STXBP5L: variants seen among roughly 807,000 people sequenced by gnomAD.
The protein encoded by STXBP5L is syntaxin-binding protein 5-like.
A neutral mutation model predicts 144.5 loss-of-function variants in STXBP5L; 65 were observed. That is an observed-to-expected ratio of 0.45 (90% CI 0.37 to 0.55). The LOEUF (loss-of-function observed/expected upper bound fraction) is 0.55. Ranked by LOEUF, STXBP5L falls within the 20% of genes least tolerant of loss-of-function variation. The pLI is 0.00. For missense variants in STXBP5L, 1,298 were observed against 1,405.5 expected, an observed-to-expected ratio of 0.92 and a Z score of 1.22; for synonymous variants, 505 against 469.6, an observed-to-expected ratio of 1.08 and a Z score of -0.97.
chr3:121,401,436 C>T (rs1271243023), intron 22 of STXBP5L, among the ~76,000 whole-genome samples: 1 of 148,850 alleles, frequency 6.7e-6, no homozygotes, highest in African/African-American at 2.5e-5. Context: ...TATAAAGACA[C>T]ATGCACACGT....
At chr3:121,239,165 G>T (rs1353783415) in intron 13 of STXBP5L, 47 bp downstream of exon 13, 15 of 1,125,446 alleles carry the variant, frequency 1.3e-5, no homozygotes, top group South Asian at 1.8e-5. Flanking sequence ...CATATCACAT[G>T]ATCATACTTT....
At chr3:120,929,057 A>G (rs760550554) in intron 2 of STXBP5L, among the ~76,000 whole-genome samples, 13 of 152,160 alleles carry the variant, frequency 8.5e-5, no homozygotes, top group Non-Finnish European at 1.6e-4. Context: ...TTGGCATGGG[A>G]AGCTGGAGGC....
intron 5 of STXBP5L, among the ~76,000 whole-genome samples, chr3:121,065,467 G>T (rs1427539895): frequency 6.6e-6 from 1 of 151,864 alleles, no homozygotes; most frequent in Non-Finnish European, 1.5e-5. Context: ...ACTATCTATT[G>T]CTATATAACA....
At chr3:120,961,629 T>G (rs1158732198) in intron 3 of STXBP5L, among the ~76,000 whole-genome samples, 1 of 152,230 alleles carries the variant, frequency 6.6e-6, no homozygotes, top group Non-Finnish European at 1.5e-5. Context: ...CTACATAGTA[T>G]TCCATGGTGT....
intron 23 of STXBP5L, among the ~76,000 whole-genome samples, chr3:121,410,974 T>C (rs972181563): frequency 6.6e-6 from 1 of 152,066 alleles, no homozygotes; most frequent in African/African-American, 2.4e-5. Context: ...TTGGAACCTC[T>C]TCCTCAACTC....
intron 20 of STXBP5L, among the ~76,000 whole-genome samples, chr3:121,341,383 T>C (rs559422695): frequency 6.6e-6 from 1 of 152,198 alleles, no homozygotes; most frequent in South Asian, 2.1e-4. Context: ...GAATAACAAA[T>C]GCTGACAAGG....
At chr3:120,922,609 A>G (rs1308430277) in intron 2 of STXBP5L, among the ~76,000 whole-genome samples, 4 of 151,966 alleles carry the variant, frequency 2.6e-5, no homozygotes, top group Admixed American at 2.6e-4. Context: ...TTTGTCATTT[A>G]TAGCCTTTAT....
At chr3:120,963,589 T>G (rs1257192822) in intron 3 of STXBP5L, among the ~76,000 whole-genome samples, 1 of 152,210 alleles carries the variant, frequency 6.6e-6, no homozygotes, top group African/African-American at 2.4e-5. Context: ...GATTTGCATA[T>G]GTTGAACCAG....
chr3:121,091,519 C>G (rs1366057422), intron 5 of STXBP5L, among the ~76,000 whole-genome samples: 2 of 152,198 alleles, frequency 1.3e-5, no homozygotes, highest in Admixed American at 1.3e-4. Context: ...TTGCATTTCT[C>G]TGATGGCCAG....
At chr3:121,194,909 CTT>C (rs10717806) in intron 9 of STXBP5L, among the ~76,000 whole-genome samples, 452 of 68,436 alleles carry the variant, frequency 6.6e-3, no homozygotes, top group South Asian at 0.02. Context: ...TCTTTTCACT[CTT>C]TTTTTTTTTT....
chr3:121,073,242 G>A (rs2041881044), intron 5 of STXBP5L, among the ~76,000 whole-genome samples: 1 of 152,176 alleles, frequency 6.6e-6, no homozygotes, highest in Non-Finnish European at 1.5e-5. Context: ...CCATTCTGTT[G>A]GCAGCAGTGT....
chr3:121,354,952 G>A (rs2045448203), intron 20 of STXBP5L, among the ~76,000 whole-genome samples: 1 of 152,184 alleles, frequency 6.6e-6, no homozygotes, highest in East Asian at 1.9e-4. Context: ...CAGTTATGAA[G>A]CTTAGTTTGG....
At chr3:120,931,616 A>C (rs1709942148) in intron 2 of STXBP5L, among the ~76,000 whole-genome samples, 1 of 152,170 alleles carries the variant, frequency 6.6e-6, no homozygotes, top group Admixed American at 6.6e-5. Flanking sequence ...TTGTAGATAA[A>C]GTTGCTAGAA....
At chr3:121,287,233 T>A (rs7634380) in intron 19 of STXBP5L, among the ~76,000 whole-genome samples, 15,112 of 152,120 alleles carry the variant, frequency 0.099, 1,180 homozygotes, top group Admixed American at 0.2. Context: ...TTTTAGACAA[T>A]GTTGTCAAGC....
chr3:120,975,896 A>C (rs1940932559), intron 3 of STXBP5L, among the ~76,000 whole-genome samples: 2 of 152,146 alleles, frequency 1.3e-5, no homozygotes. Context: ...GATGAAGCCC[A>C]CTTGATCATG....
chr3:121,233,648 C>G lies in STXBP5L; in HGVS notation c.1144C>G (p.Leu382Val). The G allele has an allele frequency of 6.2e-7, 1 of 1,612,540 alleles. No individual in the cohort carries two copies. Among genetic ancestry groups the G allele is most frequent in the South Asian group, 1.1e-5 (1 of 90,946 alleles). Reference protein sequence around the residue: ...FQEPYAVVVLLEKDLIVVDLT... With the variant: ...FQEPYAVVVLVEKDLIVVDLT... ...AGAACCCTATGCTGTCGTGGTACTT[C>G]TGGAGAAAGATCTCATTGTAGTTGA... Residue 382 changes from leucine to valine, a missense_variant, in exon 12 of 27, where the codon CTG becomes GTG. Physicochemically the swap from Leu to Val is conservative, Grantham distance 32 (BLOSUM62 1). Coordinates refer to ENST00000471454, the MANE Select transcript of STXBP5L (RefSeq NM_001308330.2).
At chr3:121,048,497 T>C (rs1465029891) in intron 5 of STXBP5L, among the ~76,000 whole-genome samples, 1 of 152,190 alleles carries the variant, frequency 6.6e-6, no homozygotes, top group East Asian at 1.9e-4. Flanking sequence ...ATTGGAGATT[T>C]GGTCTCTTTA....
intron 3 of STXBP5L, among the ~76,000 whole-genome samples, chr3:121,006,004 G>A (rs1172732194): frequency 6.6e-6 from 1 of 152,152 alleles, no homozygotes; most frequent in East Asian, 1.9e-4. Context: ...GGTATGGTGT[G>A]GTGCTGAAAA....
intron 5 of STXBP5L, among the ~76,000 whole-genome samples, chr3:121,075,244 C>T (rs1024620623): frequency 2.0e-5 from 3 of 152,076 alleles, no homozygotes; most frequent in African/African-American, 7.2e-5. Context: ...CTCCAGTGTC[C>T]CATCTGCTTG....
Sources: allele counts gnomAD v4.1 joint callset (sites outside exome capture counted in the v4.1 genomes callset), GRCh38; gene constraint gnomAD v4.1.1; transcripts MANE v1.5; gene names NCBI Gene and HGNC (gene_info 2026-07-23, HGNC 2026-07-21).